Variants in CEP350 observed in about 807,000 individuals in gnomAD.
CEP350 encodes the protein centrosomal protein 350, also known as centrosome-associated protein 350.
A neutral mutation model predicts 331.8 loss-of-function variants in CEP350; 126 were observed. That is an observed-to-expected ratio of 0.38 (90% CI 0.33 to 0.44). The LOEUF (loss-of-function observed/expected upper bound fraction) is 0.44, where lower values mean the gene tolerates loss of function less well. Ranked by LOEUF, CEP350 falls within the 20% of genes least tolerant of loss-of-function variation. The probability of loss-of-function intolerance (pLI) is 1.00; values close to 1 mark genes in which losing one functional copy is unlikely to be tolerated. For missense variants in CEP350, 3,406 were observed against 3,634.6 expected (o/e 0.94, Z 1.62); for synonymous variants, 1,200 against 1,259.5 (o/e 0.95, Z 1.00).
intron 12 of CEP350, 63 bp downstream of exon 12, chr1:180,021,072 G>C: frequency 1.5e-6 from 2 of 1,371,218 alleles, no homozygotes; most frequent in East Asian, 2.5e-5. Context: ...TATAATTTCT[G>C]TATGAGATAT....
At chr1:180,105,571 AC>A (rs1371001070) in intron 37 of CEP350, among the ~76,000 whole-genome samples, 2 of 152,130 alleles carry the variant, frequency 1.3e-5, no homozygotes, top group Non-Finnish European at 1.5e-5. Context: ...TTTCCTCTAT[AC>A]CAATCTGTTG....
At chr1:179,967,093 ATACTT>A (rs1184134948) in intron 1 of CEP350, among the ~76,000 whole-genome samples, 1 of 152,222 alleles carries the variant, frequency 6.6e-6, no homozygotes, top group East Asian at 1.9e-4. Flanking sequence ...TTCTTAGACT[ATACTT>A]TATACAATAG....
intron 28 of CEP350, among the ~76,000 whole-genome samples, chr1:180,076,652 G>A (rs1360657081): frequency 6.6e-6 from 1 of 152,050 alleles, no homozygotes; most frequent in Non-Finnish European, 1.5e-5. Context: ...AGTTGAGCAT[G>A]GTGGCACACA....
intron 37 of CEP350, among the ~76,000 whole-genome samples, chr1:180,103,147 G>C (rs1249169204): frequency 6.6e-6 from 1 of 152,200 alleles, no homozygotes; most frequent in African/African-American, 2.4e-5. Flanking sequence ...GGTGTGTGGG[G>C]AAGGCTGGTC....
Position 180,093,640 on chromosome 1 carries a change from T to C in CEP350, c.7535T>C (p.Ile2512Thr). The C allele has an allele frequency of 3.1e-6, 5 of 1,614,000 alleles. No individual in the cohort carries two copies. Among genetic ancestry groups the C allele is most frequent in the Non-Finnish European group, 4.2e-6 (5 of 1,179,886 alleles). The change falls in exon 34 of 38, where the codon ATT becomes ACT. Residue 2512 changes from isoleucine to threonine, a missense_variant. Around this residue, in one of 5 missense-constraint regions of CEP350, gnomAD observed 1,415 missense variants for 1,512.3 expected, o/e 0.94. Coordinates refer to ENST00000367607, the MANE Select transcript of CEP350 (RefSeq NM_014810.5). ...RVLIGNVQPGILRFKGETSFA... is the reference protein window; with the variant it reads ...RVLIGNVQPGTLRFKGETSFA... Reference sequence around the variant, plus strand: ...TTGATTGGAAATGTTCAGCCAGGAATTCTTCGATTCAAAGGTGAGACTAGT... The same window carrying C: ...TTGATTGGAAATGTTCAGCCAGGAACTCTTCGATTCAAAGGTGAGACTAGT...
Position 180,111,377 on chromosome 1 carries a change from T to C in CEP350, c.*216T>C. ...CACTGGATTAATGGGTTATTTTCAG[T>C]GGGCAGGGTTGCACAGTGTAATCCT... On this transcript the variant is annotated 3_prime_UTR_variant, in exon 38 of 38. Coordinates refer to ENST00000367607, the MANE Select transcript of CEP350 (RefSeq NM_014810.5). 1 of 538,202 alleles carries C rather than the reference T, an allele frequency of 1.9e-6. No individual in the cohort carries two copies. The highest frequency in any genetic ancestry group is 1.9e-5 in the African/African-American group (1 of 52,500). The allele number at this position is 538,202 out of a possible 1,614,324, so 33.3% of individuals were successfully genotyped here.
At chr1:180,101,042 C>T (rs1285847725) in intron 37 of CEP350, among the ~76,000 whole-genome samples, 1 of 152,186 alleles carries the variant, frequency 6.6e-6, no homozygotes, top group Admixed American at 6.5e-5. Context: ...AAGCAGACAT[C>T]TCTCTAACAG....
In CEP350 at chr1:179,992,147, C is replaced by T. The variant is rs1233722423; in HGVS notation, c.321C>T (p.Leu107=). The change falls in exon 5 of 38, where the codon CTC becomes CTT. Residue 107 remains leucine (L), a synonymous_variant. Transcript: ENST00000367607. ...KSRKEKSRSP[L]RATTLESNVK... is the part of the protein sequence containing the mutation. The stretch of plus-strand genomic sequence containing the variant: ...GAAAAGAGAAATCTCGTAGTCCTCT[C>T]AGGGCCACCACCCTGGAGAGTAATG... 2 of 1,544,562 alleles carry T rather than the reference C, an allele frequency of 1.3e-6. No individual in the cohort carries two copies. Among genetic ancestry groups the T allele is most frequent in the African/African-American group, 2.8e-5 (2 of 71,848 alleles).
In CEP350 at chr1:180,053,927, C is replaced by CA; in HGVS notation, c.5174dup (p.His1726ThrfsTer9). ...GGCTGAATTGGCCTGGTTAGAGCAT[C>CA]AAAAAAAGTAAGTTCTTTTGAGCAG... On this transcript the variant is annotated frameshift_variant, in exon 24 of 38. Transcript: ENST00000367607. LOFTEE classifies it high-confidence loss of function. The CA allele has an allele frequency of 6.5e-7, 1 of 1,538,736 alleles. No individual in the cohort carries two copies. Among genetic ancestry groups the CA allele is most frequent in the Non-Finnish European group, 8.7e-7 (1 of 1,142,920 alleles).
In CEP350 at chr1:180,111,980, C is replaced by G. The variant is rs1661485496; in HGVS notation, c.*819C>G. 1 of 152,620 alleles carries G rather than the reference C, an allele frequency of 6.6e-6. No homozygotes were observed. Among genetic ancestry groups the G allele is most frequent in the South Asian group, 2.1e-4 (1 of 4,832 alleles). The allele number at this position is 152,620 out of a possible 1,614,324, so 9.5% of individuals were successfully genotyped here. ...GAATCACAGATACTCAGGACCATCT[C>G]AGGCATCCAGGCATGGCAAAGTGGA... On this transcript the variant is annotated 3_prime_UTR_variant, in exon 38 of 38. Coordinates refer to ENST00000367607, the MANE Select transcript of CEP350 (RefSeq NM_014810.5).
chr1:179,957,564 A>C (rs917350305), intron 1 of CEP350, among the ~76,000 whole-genome samples: 1 of 152,240 alleles, frequency 6.6e-6, no homozygotes, highest in African/African-American at 2.4e-5. Flanking sequence ...ATGGTAACAT[A>C]GTCAATAAAT....
intron 27 of CEP350, among the ~76,000 whole-genome samples, chr1:180,072,299 G>C (rs1173627509): frequency 6.6e-6 from 1 of 151,960 alleles, no homozygotes; most frequent in Non-Finnish European, 1.5e-5. Context: ...AAAATTATTG[G>C]TCTCTGTGTT....
At chr1:180,052,598 CTTT>C (rs1258931764) in intron 22 of CEP350, among the ~76,000 whole-genome samples, 2 of 149,790 alleles carry the variant, frequency 1.3e-5, no homozygotes, top group East Asian at 3.8e-4. Context: ...TACTTCATTT[CTTT>C]GATTGATAGT....
intron 2 of CEP350, 106 bp downstream of exon 2, chr1:179,986,360 A>AGTG: frequency 1.5e-6 from 1 of 667,968 alleles, no homozygotes; most frequent in Non-Finnish European, 2.5e-6. Flanking sequence ...ATTTATAGAA[A>AGTG]GTGGATAAAT....
At chr1:180,012,268 T>C (rs1338182755) in intron 9 of CEP350, among the ~76,000 whole-genome samples, 193 bp downstream of exon 9, 4 of 152,212 alleles carry the variant, frequency 2.6e-5, no homozygotes, top group Admixed American at 2.6e-4. Flanking sequence ...TGTTCATCTT[T>C]ATGAAAAATT....
At chr1:179,964,825 T>G (rs1650887487) in intron 1 of CEP350, among the ~76,000 whole-genome samples, 1 of 151,932 alleles carries the variant, frequency 6.6e-6, no homozygotes, top group African/African-American at 2.4e-5. Context: ...TTCAAAGAAC[T>G]AACTTTGTTC....
intron 21 of CEP350, among the ~76,000 whole-genome samples, chr1:180,047,791 A>G (rs1483553576): frequency 6.7e-6 from 1 of 150,274 alleles, no homozygotes; most frequent in Non-Finnish European, 1.5e-5. Flanking sequence ...AAAGAAAAGG[A>G]CCAAAACAGA....
At chr1:180,046,033 T>A (rs1405096296) in intron 21 of CEP350, among the ~76,000 whole-genome samples, 1 of 152,226 alleles carries the variant, frequency 6.6e-6, no homozygotes, top group East Asian at 1.9e-4. Context: ...TTACTTTTAC[T>A]TACCTTTCAA....
rs558683389 is a variant in CEP350, at chr1:179,955,087, C to T, written c.-69C>T. ...GGTCGGGGCGGCGTCACTGCACCCTCCGCCAGGCTCCGCGGGATGCACCGT... is the reference window on the plus strand; with the variant it reads ...GGTCGGGGCGGCGTCACTGCACCCTTCGCCAGGCTCCGCGGGATGCACCGT... On this transcript the variant is annotated 5_prime_UTR_variant, in exon 1 of 38. Coordinates refer to ENST00000367607, the MANE Select transcript of CEP350 (RefSeq NM_014810.5). The T allele has an allele frequency of 3.4e-6, 5 of 1,461,366 alleles. No homozygotes were observed. The highest frequency in any genetic ancestry group is 2.9e-5 in the East Asian group (1 of 34,186). The allele number at this position is 1,461,366 out of a possible 1,614,324, so 90.5% of individuals were successfully genotyped here.
Sources: gnomAD v4.1 joint callset for allele counts (sites outside exome capture counted in the v4.1 genomes callset) on GRCh38, gnomAD v4.1.1 for gene constraint, gnomAD v4.1.1 regional missense constraint, MANE v1.5 for transcripts, NCBI Gene and HGNC (gene_info 2026-07-23, HGNC 2026-07-21) for gene names.